The following ZNF845 variants were observed in gnomAD, a reference collection of about 807,000 sequenced individuals.
The protein encoded by ZNF845 is zinc finger protein 845.
In ZNF845, 59 loss-of-function variants were observed where a neutral mutation model predicts 76.1. The observed-to-expected ratio is 0.78, with a 90% CI of 0.63 to 0.96. The LOEUF is 0.96. ZNF845 is among the 40% of genes least tolerant of loss of function. ZNF845 has a pLI of 0.00. For synonymous variants in ZNF845, 361 were observed against 386.9 expected (o/e 0.93, Z 0.78); for missense variants, 1,045 against 1,172.8 (o/e 0.89, Z 1.59).
At chr19:53,343,849 G>C (rs2085274388) in intron 2 of ZNF845, among the ~76,000 whole-genome samples, 1 of 152,166 alleles carries the variant, frequency 6.6e-6, no homozygotes, top group South Asian at 2.1e-4. Context: ...GAGACTGGGT[G>C]TCACTGTGCT....
At chr19:53,347,178 G>A (rs2085302426) in intron 3 of ZNF845, among the ~76,000 whole-genome samples, 3 of 152,074 alleles carry the variant, frequency 2.0e-5, no homozygotes, top group African/African-American at 7.2e-5. Context: ...GAACCACCGC[G>A]CCCAGCTTAT....
rs369712883 is a variant in ZNF845 at position 53,338,745 on chromosome 19, C to G, written c.-73-2490C>G. Among the ~76,000 whole-genome samples, 16 of 151,898 alleles carry G rather than the reference C, an allele frequency of 1.1e-4. No individual in the cohort carries two copies. The South Asian group carries it at 3.3e-3, about 32-fold the overall frequency. On this transcript the variant is annotated intron_variant, in intron 1 of 3. Transcript: ENST00000458035. ...ACGCACACACACACTCCCACACACA[C>G]AGTCACAAGGCAGCTGGGGAGTCGA...
At chr19:53,336,227 G>C (rs985850697) in intron 1 of ZNF845, among the ~76,000 whole-genome samples, 2 of 136,966 alleles carry the variant, frequency 1.5e-5, no homozygotes, top group African/African-American at 5.5e-5. Flanking sequence ...AAAAAAAAAG[G>C]AACATCAAAG....
intron 1 of ZNF845, among the ~76,000 whole-genome samples, chr19:53,335,590 TTTTTTGTTTTTG>T (rs201444995): frequency 0.039 from 5,828 of 150,804 alleles, 224 homozygotes; most frequent in East Asian, 0.12. Context: ...TCGTTTTTTG[TTTTTTGTTTTTG>T]TTTTTGTTTT....
chr19:53,343,413 G>T (rs1480301138), intron 2 of ZNF845, among the ~76,000 whole-genome samples: 1 of 152,178 alleles, frequency 6.6e-6, no homozygotes, highest in Non-Finnish European at 1.5e-5. Flanking sequence ...GATACCTGAA[G>T]ATTCCTCCAG....
intron 3 of ZNF845, among the ~76,000 whole-genome samples, chr19:53,350,593 A>C (rs2085325940): frequency 6.6e-6 from 1 of 152,216 alleles, no homozygotes; most frequent in Non-Finnish European, 1.5e-5. Flanking sequence ...GTGTGCTGTC[A>C]GTGTTTTGAC....
chr19:53,344,827 C>T (rs913867407), intron 2 of ZNF845, among the ~76,000 whole-genome samples: 3 of 151,682 alleles, frequency 2.0e-5, no homozygotes, highest in East Asian at 1.9e-4. Flanking sequence ...TTAGTAGAAA[C>T]GGGATTTCTC....
At chr19:53,347,046 G>C (rs1279863711) in intron 3 of ZNF845, among the ~76,000 whole-genome samples, 1 of 151,906 alleles carries the variant, frequency 6.6e-6, no homozygotes, top group Non-Finnish European at 1.5e-5. Context: ...ACCATGCCTG[G>C]CTAATTTTGT....
Position 53,345,516 on chromosome 19 carries a change from C to T in ZNF845, c.26C>T (p.Thr9Ile). The change falls in exon 3 of 4, where the codon ACA (threonine) becomes ATA (isoleucine). Residue 9 changes from threonine (T) to isoleucine (I), a missense_variant. Coordinates refer to ENST00000458035, the MANE Select transcript of ZNF845 (RefSeq NM_138374.3). Reference sequence around the variant, plus strand: ...GTGTTTTCATTTCAGGGTCTATTGACATTCAGGGATGTGGCCATAGAATTC... The same window carrying T: ...GTGTTTTCATTTCAGGGTCTATTGATATTCAGGGATGTGGCCATAGAATTC... MALSQGLL[T>I]FRDVAIEFSQ... 1 of 1,613,790 alleles carries T rather than the reference C, an allele frequency of 6.2e-7. No individual in the cohort carries two copies. The highest frequency in any genetic ancestry group is 2.2e-5 in the East Asian group (1 of 44,854).
intron 1 of ZNF845, among the ~76,000 whole-genome samples, chr19:53,337,305 C>G (rs2085222428): frequency 6.6e-6 from 1 of 152,288 alleles, no homozygotes; most frequent in African/African-American, 2.4e-5. Flanking sequence ...CTGAAGTTCC[C>G]TCTGCCCGTC....
At chr19:53,345,283 T>G (rs1165324678) in intron 2 of ZNF845, among the ~76,000 whole-genome samples, 1 of 151,848 alleles carries the variant, frequency 6.6e-6, no homozygotes, top group Non-Finnish European at 1.5e-5. Context: ...GCCACTGCAC[T>G]CCGGCCTGGG....
chr19:53,335,331 T>C (rs1322404748), intron 1 of ZNF845, among the ~76,000 whole-genome samples: 3 of 152,124 alleles, frequency 2.0e-5, no homozygotes, highest in African/African-American at 7.2e-5. Flanking sequence ...TGTGATCTCC[T>C]CTAACTGCAG....
At position 53,356,284 on chromosome 19, in the gene ZNF845, T is replaced by C. The variant is rs2085385230; in HGVS notation, c.*2696T>C. 6.8e-6 allele frequency: 1 copy of C among 146,762 alleles called. No homozygotes were observed. The highest frequency in any genetic ancestry group is 2.4e-5 in the African/African-American group (1 of 41,298). 9.1% of individuals were successfully genotyped at this position (146,762 alleles called of 1,614,324 possible). A position where few individuals can be genotyped will look rare whatever the true frequency, so the allele number is the denominator to read the frequency against. ...CAGACGCAGTGGCTCAGGCCTGTAA[T>C]CCCAGCGGTTTTAGAGGCCCAGGCA... On this transcript the variant is annotated 3_prime_UTR_variant, in exon 4 of 4. Transcript: ENST00000458035.
At chr19:53,334,529 G>C (rs1599963360) in intron 1 of ZNF845, among the ~76,000 whole-genome samples, 2 of 151,984 alleles carry the variant, frequency 1.3e-5, no homozygotes, top group African/African-American at 4.8e-5. Flanking sequence ...GCAGATCCCA[G>C]GGAAAAAGAA....
chr19:53,338,564 TTAGG>T (rs2085232477), intron 1 of ZNF845, among the ~76,000 whole-genome samples: 1 of 144,844 alleles, frequency 6.9e-6, no homozygotes, highest in Admixed American at 6.9e-5. Context: ...CTCCGTGACT[TTAGG>T]AAAGATTCTT....
intron 1 of ZNF845, among the ~76,000 whole-genome samples, chr19:53,337,671 T>C (rs1485672367): frequency 6.7e-6 from 1 of 149,472 alleles, no homozygotes; most frequent in Non-Finnish European, 1.5e-5. Flanking sequence ...CGGGTTAAAG[T>C]GATTCTCCTG....
In ZNF845 at chr19:53,352,338, G is replaced by A. The variant is rs747526431; in HGVS notation, c.1663G>A (p.Glu555Lys). ...HTGEKPYQCNECGKAFRGQSA... is the reference protein window; with the variant it reads ...HTGEKPYQCNKCGKAFRGQSA... ...TGGAGAGAAACCTTACCAGTGTAATGAGTGTGGCAAAGCCTTTCGTGGGCA... is the reference window on the plus strand; with the variant it reads ...TGGAGAGAAACCTTACCAGTGTAATAAGTGTGGCAAAGCCTTTCGTGGGCA... Residue 555 changes from glutamate (E) to lysine (K), a missense_variant, in exon 4 of 4, where the codon GAG becomes AAG. Transcript: ENST00000458035. 6.2e-7 allele frequency: 1 copy of A among 1,613,878 alleles called. No individual in the cohort carries two copies. The highest frequency in any genetic ancestry group is 2.2e-5 in the East Asian group (1 of 44,842).
chr19:53,338,916 TA>T (rs35457065), intron 1 of ZNF845, among the ~76,000 whole-genome samples: 152 of 131,918 alleles, frequency 1.2e-3, no homozygotes, highest in Non-Finnish European at 1.3e-3. Flanking sequence ...CCATCTCTAC[TA>T]AAAAAAAAAA....
chr19:53,345,005 G>C (rs532093620), intron 2 of ZNF845, among the ~76,000 whole-genome samples: 2 of 152,060 alleles, frequency 1.3e-5, no homozygotes, highest in Non-Finnish European at 2.9e-5. Context: ...CATACTGAGA[G>C]GGTATTGTGA....
Sources: gnomAD v4.1 joint callset for allele counts (sites outside exome capture counted in the v4.1 genomes callset) on GRCh38, gnomAD v4.1.1 for gene constraint, MANE v1.5 for transcripts, NCBI Gene and HGNC (gene_info 2026-07-23, HGNC 2026-07-21) for gene names.